The following SERINC2 variants were observed in gnomAD, a reference collection of about 807,000 sequenced individuals.
SERINC2 encodes tumor differentially expressed protein 2.
In SERINC2, 56 loss-of-function variants were observed where a neutral mutation model predicts 54.2. The observed-to-expected ratio is 1.03, with a 90% CI of 0.83 to 1.29. The LOEUF is 1.29. Ranked by LOEUF, SERINC2 falls within the 50% of genes most tolerant of loss-of-function variation. The pLI, the probability that SERINC2 is intolerant of heterozygous loss-of-function variation, is 0.00. For missense variants in SERINC2, 614 were observed against 607.4 expected (o/e 1.01, Z -0.12); for synonymous variants, 272 against 253.1 (o/e 1.07, Z -0.71).
At chr1:31,432,276 G>C (rs2148532220) in intron 8 of SERINC2, among the ~76,000 whole-genome samples, 1 of 151,902 alleles carries the variant, frequency 6.6e-6, no homozygotes, top group East Asian at 1.9e-4. Flanking sequence ...ATTTGCTGGG[G>C]TGGCGGGGCT....
Position 31,416,730 on chromosome 1 carries a change from TA to T in SERINC2, c.39+3427del, listed in dbSNP as rs1383260691. The stretch of plus-strand genomic sequence containing the variant: ...TATTTCATTTTATTTTATTTTACTT[TA>T]TTTTTTTGAGATGAAGTCTTGCTCT... On this transcript the variant is annotated intron_variant, in intron 1 of 9. Coordinates refer to ENST00000373709, the MANE Select transcript of SERINC2 (RefSeq NM_178865.5). Among the ~76,000 whole-genome samples the T allele has an allele frequency of 1.5e-4, 23 of 151,886 alleles. No individual in the cohort carries two copies. In the East Asian group the frequency reaches 3.9e-3, roughly 26 times the overall value.
At chr1:31,433,265 G>T in intron 9 of SERINC2, 80 bp downstream of exon 9, 3 of 1,240,422 alleles carry the variant, frequency 2.4e-6, no homozygotes, top group South Asian at 1.3e-5. Flanking sequence ...CCCTTCACTG[G>T]GTTTTCCTGA....
Position 31,418,824 on chromosome 1 carries a change from C to T in SERINC2, c.40-4869C>T, listed in dbSNP as rs117722708. On this transcript the variant is annotated intron_variant, in intron 1 of 9. Coordinates refer to ENST00000373709, the MANE Select transcript of SERINC2 (RefSeq NM_178865.5). ...GAATGACTCAGTGACAGCCTGTTCA[C>T]ATAATGCCAAACGACTCATGGCTCC... 5.6e-3 allele frequency among the ~76,000 whole-genome samples: 855 copies of T among 152,272 alleles called. 64 individuals are homozygous for T. In the East Asian group the frequency reaches 0.14, roughly 25 times the overall value.
At chr1:31,430,146 TA>T (rs1641157287) in intron 8 of SERINC2, among the ~76,000 whole-genome samples, 1 of 152,038 alleles carries the variant, frequency 6.6e-6, no homozygotes, top group Admixed American at 6.6e-5. Flanking sequence ...TCCTTGTCTG[TA>T]AAATAGAGAT....
At chr1:31,425,014 T>C (rs564161718) in intron 3 of SERINC2, 141 bp downstream of exon 3, 71 of 682,320 alleles carry the variant, frequency 1.0e-4, no homozygotes, top group Non-Finnish European at 1.7e-4. Context: ...CTCTGAGTTA[T>C]ATCCATTTCT....
chr1:31,414,598 T>C (rs1367768342), intron 1 of SERINC2: 1 of 985,772 alleles, frequency 1.0e-6, no homozygotes, highest in East Asian at 1.1e-4. Context: ...GCCTCCATTT[T>C]TCGTGTGTGT....
At chr1:31,414,471 G>C (rs1431774923) in intron 1 of SERINC2, 1 of 1,040,750 alleles carries the variant, frequency 9.6e-7, no homozygotes, top group Non-Finnish European at 1.2e-6. Flanking sequence ...GAGAGAGAGA[G>C]AGAGGAGGGG....
chr1:31,432,962 T>C lies in SERINC2; in HGVS notation c.1014-5T>C. The C allele has an allele frequency of 6.2e-7, 1 of 1,605,108 alleles. No homozygotes were observed. Among genetic ancestry groups the C allele is most frequent in the South Asian group, 1.1e-5 (1 of 90,236 alleles). On this transcript the variant is annotated splice_polypyrimidine_tract_variant and splice_region_variant and intron_variant, in intron 8 of 9. Coordinates refer to ENST00000373709, the MANE Select transcript of SERINC2 (RefSeq NM_178865.5). ...TATTTGCCCACCTTCCTCCCTCCCC[T>C]GCAGTCTGCGCTCCTCAGACCACCG...
At chr1:31,412,544 C>T (rs1640668927), upstream of SERINC2, among the ~76,000 whole-genome samples, 1 of 152,108 alleles carries the variant, frequency 6.6e-6, no homozygotes, top group Admixed American at 6.5e-5. Flanking sequence ...TGGCATGCAC[C>T]TGTAGTCCCA....
chr1:31,417,403 C>T (rs531115301), intron 1 of SERINC2, among the ~76,000 whole-genome samples: 3 of 152,316 alleles, frequency 2.0e-5, no homozygotes, highest in African/African-American at 7.2e-5. Context: ...TAGCTTTTCT[C>T]ACCCTTTCAG....
At chr1:31,432,232 G>GTGGTTAGGGTGGATAGGGTGGAT (rs1557501873) in intron 8 of SERINC2, among the ~76,000 whole-genome samples, 1 of 151,480 alleles carries the variant, frequency 6.6e-6, no homozygotes, top group Non-Finnish European at 1.5e-5. Context: ...GGTGGATAGG[G>GTGGTTAGGGTGGATAGGGTGGAT]ACCCACTGAC....
intron 1 of SERINC2, chr1:31,414,477 A>AGAGAGGGG (rs1640735962): frequency 1.2e-6 from 1 of 842,876 alleles, no homozygotes; most frequent in African/African-American, 3.2e-5. Flanking sequence ...GAGAGAGAGG[A>AGAGAGGGG]GGGGGTGTAG....
upstream of SERINC2, chr1:31,413,160 G>A: frequency 1.2e-6 from 1 of 864,254 alleles, no homozygotes; most frequent in Non-Finnish European, 1.4e-6. The surrounding 1 kb of genome is among the most constrained non-coding windows in gnomAD (Gnocchi z 5.0). Context: ...AGGTGGGGCG[G>A]GGCCGGGGCG....
In SERINC2 at chr1:31,432,172, GAT is replaced by G. The variant is rs1557501655; in HGVS notation, c.1014-793_1014-792del. Among the ~76,000 whole-genome samples the G allele has an allele frequency of 1.1e-4, 15 of 142,064 alleles. 1 individual carries two copies. The highest frequency in any genetic ancestry group is 2.8e-4 in the African/African-American group (11 of 39,134). 93.2% of individuals were successfully genotyped at this position (142,064 alleles called of 152,430 possible). On this transcript the variant is annotated intron_variant, in intron 8 of 9. Coordinates refer to ENST00000373709, the MANE Select transcript of SERINC2 (RefSeq NM_178865.5). ...CAGGGTGGACAGGGTGGATAGGGTG[GAT>G]AGGGTGGATAGGGTGGTTAGAGTGG...
At chr1:31,424,216 G>T (rs1320584) in intron 2 of SERINC2, among the ~76,000 whole-genome samples, 66,745 of 151,956 alleles carry the variant, frequency 0.44, 16,898 homozygotes, top group Non-Finnish European at 0.57. Flanking sequence ...CATCACCGTA[G>T]GTGCCTTATA....
intron 2 of SERINC2, among the ~76,000 whole-genome samples, chr1:31,424,290 C>G (rs1640974708): frequency 6.6e-6 from 1 of 152,198 alleles, no homozygotes; most frequent in Non-Finnish European, 1.5e-5. Flanking sequence ...GATTCTCAGA[C>G]TCCACCTTGA....
At chr1:31,431,930 ATAGGGTGGTTAGGGTGGTTAGGGTGGT>A (rs1557500320) in intron 8 of SERINC2, among the ~76,000 whole-genome samples, 21 of 123,038 alleles carry the variant, frequency 1.7e-4, no homozygotes, top group East Asian at 2.6e-4. Flanking sequence ...GTTAGGGTGG[ATAGGGTGGTTAGGGTGGTTAGGGTGGT>A]TAGGGTGGAT....
chr1:31,425,627 C>T, intron 4 of SERINC2, 149 bp from the exon 5 acceptor site: 1 of 1,079,164 alleles, frequency 9.3e-7, no homozygotes, highest in Non-Finnish European at 1.4e-6. Context: ...GACCCATATC[C>T]TGCCCTCTGT....
At chr1:31,414,398 C>T in intron 1 of SERINC2, 2 of 1,150,160 alleles carry the variant, frequency 1.7e-6, no homozygotes, top group East Asian at 5.3e-5. Flanking sequence ...TCTCGGGACT[C>T]GCTTTCCTTT....
Sources: allele counts gnomAD v4.1 joint callset (sites outside exome capture counted in the v4.1 genomes callset), GRCh38; gene constraint gnomAD v4.1.1; non-coding constraint Gnocchi (gnomAD v3.1); transcripts MANE v1.5; gene names NCBI Gene and HGNC (gene_info 2026-07-23, HGNC 2026-07-21).